MEGF11: variants seen among roughly 807,000 people sequenced by gnomAD.
MEGF11 encodes the protein multiple EGF like domains 11, also known as multiple epidermal growth factor-like domains protein 11.
MEGF11 carries 126 observed loss-of-function variants against 146.6 expected under a neutral mutation model. The observed-to-expected ratio is 0.86, with a 90% CI of 0.74 to 1.00. The LOEUF (loss-of-function observed/expected upper bound fraction) is 1.00, where lower values mean the gene tolerates loss of function less well. Among genes scored for constraint, MEGF11 ranks in the 50% least tolerant of loss-of-function variants. The pLI is 0.00. For missense variants in MEGF11, 1,509 were observed against 1,521.2 expected, an observed-to-expected ratio of 0.99 and a Z score of 0.13; for synonymous variants, 532 against 583.4, an observed-to-expected ratio of 0.91 and a Z score of 1.27.
intron 7 of MEGF11, among the ~76,000 whole-genome samples, chr15:65,975,372 G>A (rs2081414419): frequency 6.6e-6 from 1 of 152,228 alleles, no homozygotes; most frequent in African/African-American, 2.4e-5. Context: ...CTGGTACGTA[G>A]AATGCATCCT....
chr15:66,190,809 T>G (rs549840034), intron 1 of MEGF11, among the ~76,000 whole-genome samples: 1 of 152,280 alleles, frequency 6.6e-6, no homozygotes, highest in East Asian at 1.9e-4. Context: ...CAATTTCCTT[T>G]TTATTAGTCC....
chr15:66,248,811 T>C (rs2092332369), intron 1 of MEGF11, among the ~76,000 whole-genome samples: 1 of 152,124 alleles, frequency 6.6e-6, no homozygotes, highest in African/African-American at 2.4e-5. Flanking sequence ...TGTTTGAGAG[T>C]CAGGCTGAAT....
chr15:65,931,431 A>C (rs1039297533), intron 10 of MEGF11, among the ~76,000 whole-genome samples: 4 of 152,214 alleles, frequency 2.6e-5, no homozygotes, highest in African/African-American at 9.7e-5. Flanking sequence ...TAAAGCTTCC[A>C]GGAAGGAACA....
At chr15:66,241,892 C>T (rs12050854) in intron 1 of MEGF11, among the ~76,000 whole-genome samples, 13,194 of 152,206 alleles carry the variant, frequency 0.087, 1,147 homozygotes, top group East Asian at 0.45. Flanking sequence ...GAAATACACA[C>T]GTGGATAACA....
intron 5 of MEGF11, among the ~76,000 whole-genome samples, chr15:66,000,501 C>T (rs2082333712): frequency 6.6e-6 from 1 of 151,500 alleles, no homozygotes. Context: ...CACTGCAGTC[C>T]AGCCTGGGTG....
intron 4 of MEGF11, among the ~76,000 whole-genome samples, chr15:66,095,956 G>A (rs565180558): frequency 6.6e-6 from 1 of 152,336 alleles, no homozygotes; most frequent in East Asian, 1.9e-4. Context: ...ACAATGTGCT[G>A]CTCACGCGGC....
At chr15:66,223,153 G>T (rs1471397802) in intron 1 of MEGF11, among the ~76,000 whole-genome samples, 1 of 152,164 alleles carries the variant, frequency 6.6e-6, no homozygotes. Flanking sequence ...ATATTATTTG[G>T]CAATAAAAAG....
intron 8 of MEGF11, among the ~76,000 whole-genome samples, chr15:65,965,617 T>TCTTTCTTTTCTTTC (rs1567180159): frequency 4.4e-5 from 5 of 112,942 alleles, no homozygotes; most frequent in Admixed American, 8.9e-5. Flanking sequence ...TTTTTTCTTT[T>TCTTTCTTTTCTTTC]TTTTTTTTTT....
intron 5 of MEGF11, among the ~76,000 whole-genome samples, chr15:66,093,136 G>T (rs943924108): frequency 3.8e-4 from 58 of 152,108 alleles, no homozygotes; most frequent in African/African-American, 1.4e-3. Flanking sequence ...GTCACTGGAG[G>T]TCCTAACACA....
At chr15:65,907,987 C>G (rs1036285413) in intron 23 of MEGF11, among the ~76,000 whole-genome samples, 2 of 152,224 alleles carry the variant, frequency 1.3e-5, no homozygotes, top group African/African-American at 4.8e-5. Context: ...GAGGATACTC[C>G]CTTGTAGAAA....
Position 66,037,395 on chromosome 15 carries a change from T to C in MEGF11, c.395-54907A>G, listed in dbSNP as rs191516222. 4.6e-5 allele frequency among the ~76,000 whole-genome samples: 7 copies of C among 152,372 alleles called. No homozygotes were observed. The East Asian group carries it at 1.3e-3, about 29-fold the overall frequency. ...TCGTATCTGAGCTCTACTGCTTTCT[T>C]AGTGGATGGCTTCAGGCAGGTGACT... On this transcript the variant is annotated intron_variant, in intron 5 of 25. Coordinates refer to ENST00000395614, the MANE Select transcript of MEGF11 (RefSeq NM_001385028.1).
chr15:66,027,544 C>T (rs2083376636), intron 5 of MEGF11, among the ~76,000 whole-genome samples: 1 of 152,244 alleles, frequency 6.6e-6, no homozygotes, highest in Non-Finnish European at 1.5e-5. Flanking sequence ...TTCCCCTCTG[C>T]CCCACTGCAG....
chr15:66,140,435 T>C (rs2089089749), intron 1 of MEGF11, among the ~76,000 whole-genome samples: 1 of 152,210 alleles, frequency 6.6e-6, no homozygotes. Context: ...TGACTCCAGC[T>C]TCTCTCAGTT....
At chr15:66,193,161 C>T (rs775191629) in intron 1 of MEGF11, among the ~76,000 whole-genome samples, 1 of 152,178 alleles carries the variant, frequency 6.6e-6, no homozygotes, top group Non-Finnish European at 1.5e-5. Context: ...GTGAAGACTC[C>T]TAGGTACTTC....
chr15:65,948,093 CT>C (rs1276094173), intron 10 of MEGF11, among the ~76,000 whole-genome samples: 1 of 152,178 alleles, frequency 6.6e-6, no homozygotes, highest in East Asian at 1.9e-4. Context: ...ACTTAACCCC[CT>C]GGTGACTCCC....
chr15:65,984,517 C>G (rs2081776954), intron 5 of MEGF11, among the ~76,000 whole-genome samples: 1 of 113,100 alleles, frequency 8.8e-6, no homozygotes, highest in South Asian at 2.9e-4. Flanking sequence ...TAGAGCAAGA[C>G]TCCGTGTCAA....
At chr15:66,189,425 G>A (rs749055763) in intron 1 of MEGF11, among the ~76,000 whole-genome samples, 2 of 152,128 alleles carry the variant, frequency 1.3e-5, no homozygotes, top group Non-Finnish European at 2.9e-5. Flanking sequence ...CATGACTGCC[G>A]GAGGGGCCTG....
intron 1 of MEGF11, among the ~76,000 whole-genome samples, chr15:66,211,280 T>G (rs924511755): frequency 2.6e-5 from 4 of 152,130 alleles, no homozygotes; most frequent in Non-Finnish European, 5.9e-5. Context: ...TCTCAGCACT[T>G]TGGGAGGCCA....
At chr15:66,056,637 A>G (rs1567221065) in intron 5 of MEGF11, among the ~76,000 whole-genome samples, 1 of 152,230 alleles carries the variant, frequency 6.6e-6, no homozygotes, top group Non-Finnish European at 1.5e-5. Context: ...GTATGAGGCT[A>G]TAAGCACCAA....
Sources: gnomAD v4.1 joint callset for allele counts (sites outside exome capture counted in the v4.1 genomes callset) on GRCh38, gnomAD v4.1.1 for gene constraint, MANE v1.5 for transcripts, NCBI Gene and HGNC (gene_info 2026-07-23, HGNC 2026-07-21) for gene names.